The following WFDC1 variants were observed in gnomAD, a reference collection of about 807,000 sequenced individuals.
The protein encoded by WFDC1 is WAP four-disulfide core domain 1.
WFDC1 carries 39 observed loss-of-function variants against 32.9 expected under a neutral mutation model. That is an observed-to-expected ratio of 1.19 (90% CI 0.92 to 1.55). The LOEUF is 1.55. Ranked by LOEUF, WFDC1 falls within the 40% of genes most tolerant of loss-of-function variation. The pLI, the probability that WFDC1 is intolerant of heterozygous loss-of-function variation, is 0.00. For synonymous variants in WFDC1, 184 were observed against 137.4 expected (o/e 1.34, Z -2.37); for missense variants, 386 against 309.5 (o/e 1.25, Z -1.85).
intron 2 of WFDC1, among the ~76,000 whole-genome samples, chr16:84,313,536 A>C (rs7186572): frequency 0.44 from 66,911 of 152,098 alleles, 15,718 homozygotes; most frequent in Non-Finnish European, 0.53. Flanking sequence ...TAAAAGATCA[A>C]GATTCGAGGC....
chr16:84,297,187 G>A (rs953045164), intron 1 of WFDC1, among the ~76,000 whole-genome samples: 5 of 152,170 alleles, frequency 3.3e-5, no homozygotes, highest in African/African-American at 1.2e-4. Flanking sequence ...GGCTGCAGGA[G>A]CTGATTCACT....
chr16:84,311,448 T>C (rs1907616488), intron 1 of WFDC1, among the ~76,000 whole-genome samples: 1 of 146,920 alleles, frequency 6.8e-6, no homozygotes, highest in South Asian at 2.2e-4. Flanking sequence ...CAGGATGGTC[T>C]CGATCTCCTG....
Position 84,319,449 on chromosome 16 carries a change from C to G in WFDC1, c.440C>G (p.Thr147Arg). ...EVLQAEACST[T>R]EDGAEPLLCP... Reference sequence around the variant, plus strand: ...CCTGCAGCAGAGGCGTGCAGCACCACGGAGGATGGGGCCGAACCCCTGCTC... The same window carrying G: ...CCTGCAGCAGAGGCGTGCAGCACCAGGGAGGATGGGGCCGAACCCCTGCTC... The change falls in exon 4 of 7, where the codon ACG (threonine) becomes AGG (arginine). Residue 147 changes from threonine to arginine, a missense_variant. Thr to Arg is a moderately conservative substitution (Grantham distance 71, BLOSUM62 -1). Transcript: ENST00000219454. 1 of 1,611,134 alleles carries G rather than the reference C, an allele frequency of 6.2e-7. No individual in the cohort carries two copies. The highest frequency in any genetic ancestry group is 8.5e-7 in the Non-Finnish European group (1 of 1,179,922).
At chr16:84,321,535 T>G (rs1908303924) in intron 4 of WFDC1, among the ~76,000 whole-genome samples, 1 of 152,196 alleles carries the variant, frequency 6.6e-6, no homozygotes, top group Admixed American at 6.5e-5. Context: ...CACTTGTCTT[T>G]TTCATCCCCT....
At chr16:84,297,970 C>G (rs1425935415) in intron 1 of WFDC1, among the ~76,000 whole-genome samples, 1 of 152,132 alleles carries the variant, frequency 6.6e-6, no homozygotes, top group Non-Finnish European at 1.5e-5. Flanking sequence ...TCAGCCTTGG[C>G]CCTGACCCTC....
At chr16:84,310,720 T>C (rs1435481663) in intron 1 of WFDC1, among the ~76,000 whole-genome samples, 1 of 152,222 alleles carries the variant, frequency 6.6e-6, no homozygotes, top group African/African-American at 2.4e-5. Context: ...GGGCAGAGCC[T>C]ACACGCTGTT....
At chr16:84,313,356 C>T (rs1004389907) in intron 2 of WFDC1, among the ~76,000 whole-genome samples, 10 of 152,276 alleles carry the variant, frequency 6.6e-5, no homozygotes, top group African/African-American at 1.9e-4. Context: ...GTCCCACTGC[C>T]CCTGGGGACT....
At position 84,295,004 on chromosome 16, in the gene WFDC1, C is replaced by G; in HGVS notation, c.33C>G (p.Cys11Trp). Residue 11 changes from cysteine (C) to tryptophan (W), a missense_variant, in exon 1 of 7, where the codon TGC becomes TGG. Cys to Trp is a radical substitution (Grantham distance 215). Transcript: ENST00000219454. ...TAACCGGCGTGGGGCCGGGCAGCTG[C>G]AGGAGGCAGATCATCCGGGCTCTGT... MPLTGVGPGS[C>W]RRQIIRALCL... 1 of 1,614,122 alleles carries G rather than the reference C, an allele frequency of 6.2e-7. No homozygotes were observed. The highest frequency in any genetic ancestry group is 1.1e-5 in the South Asian group (1 of 91,086).
At chr16:84,317,856 G>A (rs1371209668) in intron 2 of WFDC1, 2 of 193,018 alleles carry the variant, frequency 1.0e-5, no homozygotes, top group African/African-American at 2.3e-5. Context: ...AGCTCTGCTC[G>A]CAAAGCCATC....
At chr16:84,315,873 C>G (rs187634234) in intron 2 of WFDC1, among the ~76,000 whole-genome samples, 1 of 152,136 alleles carries the variant, frequency 6.6e-6, no homozygotes, top group South Asian at 2.1e-4. Flanking sequence ...AGGACTTGGG[C>G]CCAGGTTGTT....
At chr16:84,312,804 C>T (rs1032753871) in intron 1 of WFDC1, among the ~76,000 whole-genome samples, 157 bp from the exon 2 acceptor site, 3 of 152,156 alleles carry the variant, frequency 2.0e-5, no homozygotes, top group African/African-American at 7.2e-5. Flanking sequence ...CCTTCTGAGC[C>T]GCCCTCCGAG....
At chr16:84,324,863 CCATCCATCCATCCACCGATT>C (rs1220626821) in intron 5 of WFDC1, among the ~76,000 whole-genome samples, 2 of 152,002 alleles carry the variant, frequency 1.3e-5, no homozygotes, top group East Asian at 3.9e-4. Context: ...TACCCACCAT[CCATCCATCCATCCACCGATT>C]CATCCATCCA....
chr16:84,298,882 T>G (rs908079524), intron 1 of WFDC1, among the ~76,000 whole-genome samples: 3 of 152,220 alleles, frequency 2.0e-5, no homozygotes, highest in African/African-American at 7.2e-5. Context: ...TCCCGCCTTC[T>G]ATCTCTAAGA....
intron 1 of WFDC1, among the ~76,000 whole-genome samples, chr16:84,309,378 T>C (rs1017307139): frequency 1.3e-5 from 2 of 151,944 alleles, no homozygotes; most frequent in African/African-American, 2.4e-5. Context: ...AGCACAGAGG[T>C]GACCAAATCC....
At position 84,306,242 on chromosome 16, in the gene WFDC1, C is replaced by T. The variant is rs115902199; in HGVS notation, c.145-6719C>T. ...CACAGCCATGGGGTTCAAACCCAGA[C>T]GCGTCAGACTCCTACACCTGAGCCC... On this transcript the variant is annotated intron_variant, in intron 1 of 6. Coordinates refer to ENST00000219454, the MANE Select transcript of WFDC1 (RefSeq NM_021197.4). 6.6e-3 allele frequency among the ~76,000 whole-genome samples: 1,009 copies of T among 152,184 alleles called. 12 individuals are homozygous for T. Among genetic ancestry groups the T allele is most frequent in the African/African-American group, 0.023 (955 of 41,512 alleles).
chr16:84,296,608 T>C (rs1906612264), intron 1 of WFDC1, among the ~76,000 whole-genome samples: 2 of 152,116 alleles, frequency 1.3e-5, no homozygotes, highest in Admixed American at 1.3e-4. Context: ...AATCTGGGCC[T>C]CCAGGGCTCA....
At chr16:84,313,420 A>G (rs1287403943) in intron 2 of WFDC1, among the ~76,000 whole-genome samples, 2 of 152,144 alleles carry the variant, frequency 1.3e-5, no homozygotes, top group Non-Finnish European at 1.5e-5. Flanking sequence ...TGAAAATGGG[A>G]TGGGGGCAGG....
chr16:84,315,350 G>T (rs1907887275), intron 2 of WFDC1, among the ~76,000 whole-genome samples: 1 of 152,148 alleles, frequency 6.6e-6, no homozygotes, highest in Non-Finnish European at 1.5e-5. Context: ...TGTTTTACTT[G>T]TTTGTTCATT....
intron 1 of WFDC1, among the ~76,000 whole-genome samples, chr16:84,307,500 G>T (rs1023590495): frequency 6.6e-6 from 1 of 151,654 alleles, no homozygotes; most frequent in Non-Finnish European, 1.5e-5. Flanking sequence ...TCTGAGAAAT[G>T]ACATTTGAAT....
Sources: allele counts gnomAD v4.1 joint callset (sites outside exome capture counted in the v4.1 genomes callset), GRCh38; gene constraint gnomAD v4.1.1; transcripts MANE v1.5; gene names NCBI Gene and HGNC (gene_info 2026-07-23, HGNC 2026-07-21).